The following SMOX variants were observed in gnomAD, a reference collection of about 807,000 sequenced individuals.
SMOX encodes spermine oxidase.
SMOX carries 22 observed loss-of-function variants against 51.0 expected under a neutral mutation model. The ratio of observed to expected loss-of-function variants is 0.43; its 90% confidence interval spans 0.31 to 0.62. The LOEUF (loss-of-function observed/expected upper bound fraction) is 0.62, where lower values mean the gene tolerates loss of function less well. Among genes scored for constraint, SMOX ranks in the 20% least tolerant of loss-of-function variants. The pLI, the probability that SMOX is intolerant of heterozygous loss-of-function variation, is 0.10. For missense variants in SMOX, 566 were observed against 777.7 expected (o/e 0.73, Z 3.24); for synonymous variants, 282 against 307.8 (o/e 0.92, Z 0.88).
In SMOX at chr20:4,167,677, T is replaced by C. The variant is rs1419371507; in HGVS notation, c.-26-7353T>C. Among the ~76,000 whole-genome samples the C allele has an allele frequency of 6.6e-6, 1 of 152,106 alleles. No homozygotes were observed. Among genetic ancestry groups the C allele is most frequent in the Non-Finnish European group, 1.5e-5 (1 of 68,002 alleles). On this transcript the variant is annotated intron_variant, in intron 1 of 6. Transcript: ENST00000305958. This position sits in a 1 kb window ranked among gnomAD's most constrained non-coding sequence, Gnocchi z 4.8. ...TGAGCTGGGGCCTGATTCCCAGGTC[T>C]GGGCCAGTGTTCTCTCCCTCCTCTT...
intron 1 of SMOX, among the ~76,000 whole-genome samples, chr20:4,171,049 G>A (rs796144195): frequency 3.3e-5 from 5 of 152,298 alleles, no homozygotes; most frequent in African/African-American, 9.6e-5. Flanking sequence ...GAAGGCAAGT[G>A]TCTGTTGCCC....
intron 1 of SMOX, among the ~76,000 whole-genome samples, chr20:4,168,605 G>A (rs1329830618): frequency 6.6e-6 from 1 of 150,558 alleles, no homozygotes; most frequent in African/African-American, 2.4e-5. Context: ...CACCCAGGCT[G>A]GAGTGCAGTG....
chr20:4,185,027 T>C (rs1472623995), intron 6 of SMOX, among the ~76,000 whole-genome samples: 2 of 152,214 alleles, frequency 1.3e-5, no homozygotes, highest in Non-Finnish European at 2.9e-5. Context: ...AAGGGAACCC[T>C]TGGAGCTGAG....
At chr20:4,158,437 A>T (rs1334097705) in intron 1 of SMOX, among the ~76,000 whole-genome samples, 1 of 152,174 alleles carries the variant, frequency 6.6e-6, no homozygotes, top group African/African-American at 2.4e-5. Context: ...ATCTGGATTC[A>T]GGTGGAGCAT....
chr20:4,155,602 T>C (rs1014749923), intron 1 of SMOX, among the ~76,000 whole-genome samples: 1 of 152,308 alleles, frequency 6.6e-6, no homozygotes, highest in East Asian at 1.9e-4. Flanking sequence ...TAACACATTT[T>C]AGTTTAATAT....
chr20:4,178,761 G>A (rs1414951523), intron 3 of SMOX, among the ~76,000 whole-genome samples: 2 of 150,284 alleles, frequency 1.3e-5, no homozygotes, highest in East Asian at 2.0e-4. Flanking sequence ...TCAGCTCACC[G>A]CAACCTCCGC....
In SMOX at chr20:4,183,401, G is replaced by A; in HGVS notation, c.1370-93G>A. The A allele has an allele frequency of 6.3e-7, 1 of 1,589,432 alleles. No individual in the cohort carries two copies. Among genetic ancestry groups the A allele is most frequent in the Non-Finnish European group, 8.6e-7 (1 of 1,160,416 alleles). ...GCAGTCTGGTCCTCCCGGAGCCCTG[G>A]AGGTGGGGTGGGGGGTTGTCCCTTT... On this transcript the variant is annotated intron_variant, in intron 5 of 6. Coordinates refer to ENST00000305958, the MANE Select transcript of SMOX (RefSeq NM_175839.3). This position sits in a 1 kb window ranked among gnomAD's most constrained non-coding sequence, Gnocchi z 4.3.
intron 1 of SMOX, among the ~76,000 whole-genome samples, chr20:4,171,007 A>T (rs1266348122): frequency 6.6e-6 from 1 of 152,156 alleles, no homozygotes; most frequent in Non-Finnish European, 1.5e-5. Flanking sequence ...CAAGAGGCTC[A>T]CACCCCCACT....
chr20:4,152,997 T>C (rs981958681), intron 1 of SMOX, among the ~76,000 whole-genome samples: 1 of 152,206 alleles, frequency 6.6e-6, no homozygotes, highest in African/African-American at 2.4e-5. Context: ...CTCTCAGTTA[T>C]GTGTCAGCCG....
chr20:4,183,170 C>A lies in SMOX; in HGVS notation c.1369+322C>A. ...CTTTTACTCTCTGAGTCTTTCAGCT[C>A]AACATTTTTCACCCACTATTCCAGG... On this transcript the variant is annotated intron_variant, in intron 5 of 6. Transcript: ENST00000305958. The surrounding 1 kb of genome is among the most constrained non-coding windows in gnomAD (Gnocchi z 4.3). 1.8e-6 allele frequency: 1 copy of A among 564,900 alleles called. No individual in the cohort carries two copies. Among genetic ancestry groups the A allele is most frequent in the Non-Finnish European group, 3.1e-6 (1 of 319,266 alleles). 35.0% of individuals were successfully genotyped at this position (564,900 alleles called of 1,614,324 possible). A position where few individuals can be genotyped will look rare whatever the true frequency, so the allele number is the denominator to read the frequency against.
intron 1 of SMOX, among the ~76,000 whole-genome samples, chr20:4,154,216 A>G (rs6139332): frequency 0.058 from 8,871 of 152,142 alleles, 400 homozygotes; most frequent in East Asian, 0.22. Context: ...TTTGAAGGTT[A>G]TAGGGCATGG....
At chr20:4,158,922 C>T (rs1478058648) in intron 1 of SMOX, among the ~76,000 whole-genome samples, 1 of 151,942 alleles carries the variant, frequency 6.6e-6, no homozygotes, top group African/African-American at 2.4e-5. Context: ...CACCCAGCAC[C>T]ACCAAGGGGC....
chr20:4,171,110 C>CT (rs1432663669), intron 1 of SMOX, among the ~76,000 whole-genome samples: 3 of 152,180 alleles, frequency 2.0e-5, no homozygotes, highest in Non-Finnish European at 4.4e-5. Context: ...TTCTTCTCTC[C>CT]TTTATCTGCT....
rs1367183705 is a variant in SMOX, at chr20:4,170,389, T to C, written c.-26-4641T>C. The stretch of plus-strand genomic sequence containing the variant: ...CATTTCCAGGCGGGGCTTGGCAGGG[T>C]CAGACGTTGGAGACCAGGACTAACG... On this transcript the variant is annotated intron_variant, in intron 1 of 6. Coordinates refer to ENST00000305958, the MANE Select transcript of SMOX (RefSeq NM_175839.3). The surrounding 1 kb of genome is among the most constrained non-coding windows in gnomAD (Gnocchi z 4.6). Among the ~76,000 whole-genome samples the C allele has an allele frequency of 6.6e-6, 1 of 152,008 alleles. No homozygotes were observed. Among genetic ancestry groups the C allele is most frequent in the Non-Finnish European group, 1.5e-5 (1 of 68,004 alleles).
At chr20:4,168,124 T>TGGGGGGGGGGGGGG (rs1260484828) in intron 1 of SMOX, among the ~76,000 whole-genome samples, 2 of 13,778 alleles carry the variant, frequency 1.5e-4, no homozygotes, top group Non-Finnish European at 3.1e-4. Context: ...GGGGTAGGGG[T>TGGGGGGGGGGGGGG]GGGGGGGTGG....
chr20:4,163,288 C>T (rs1356374685), intron 1 of SMOX, among the ~76,000 whole-genome samples: 1 of 152,110 alleles, frequency 6.6e-6, no homozygotes, highest in African/African-American at 2.4e-5. Context: ...TTGTAAAAAT[C>T]TCCAGGTGAG....
In SMOX at chr20:4,172,186, A is replaced by G. The variant is rs776001198; in HGVS notation, c.-26-2844A>G. 5.3e-5 allele frequency among the ~76,000 whole-genome samples: 8 copies of G among 152,256 alleles called. No individual in the cohort carries two copies. Among genetic ancestry groups the G allele is most frequent in the Non-Finnish European group, 1.0e-4 (7 of 68,038 alleles). ...GCAGCCATCCCTTTCCGTAGTGGAT[A>G]GGAGACTGTGTGTGGGGTGGCCTGG... On this transcript the variant is annotated intron_variant, in intron 1 of 6. Coordinates refer to ENST00000305958, the MANE Select transcript of SMOX (RefSeq NM_175839.3). This position sits in a 1 kb window ranked among gnomAD's most constrained non-coding sequence, Gnocchi z 7.7.
intron 1 of SMOX, among the ~76,000 whole-genome samples, chr20:4,173,693 A>G (rs1215760592): frequency 2.0e-5 from 3 of 152,198 alleles, no homozygotes; most frequent in African/African-American, 7.2e-5. Flanking sequence ...TTCCGCCCAC[A>G]TTTGTTCCCT....
intron 1 of SMOX, among the ~76,000 whole-genome samples, chr20:4,160,275 G>C (rs189213713): frequency 1.6e-4 from 24 of 152,224 alleles, no homozygotes; most frequent in African/African-American, 5.5e-4. Context: ...CAGGCCTTGA[G>C]ATGACTCCTG....
Sources: allele counts gnomAD v4.1 joint callset (sites outside exome capture counted in the v4.1 genomes callset), GRCh38; gene constraint gnomAD v4.1.1; non-coding constraint Gnocchi (gnomAD v3.1); transcripts MANE v1.5; gene names NCBI Gene and HGNC (gene_info 2026-07-23, HGNC 2026-07-21).